MTOR: variants seen among roughly 807,000 people sequenced by gnomAD.
The protein encoded by MTOR is serine/threonine-protein kinase mTOR.
A neutral mutation model predicts 319.8 loss-of-function variants in MTOR; 70 were observed. That is an observed-to-expected ratio of 0.22 (90% CI 0.18 to 0.27). The LOEUF (loss-of-function observed/expected upper bound fraction) is 0.27, where lower values mean the gene tolerates loss of function less well. Among genes scored for constraint, MTOR ranks in the 10% least tolerant of loss-of-function variants. MTOR has a pLI of 1.00. For synonymous variants in MTOR, 1,183 were observed against 1,211.4 expected (o/e 0.98, Z 0.49); for missense variants, 1,890 against 3,274.4 (o/e 0.58, Z 10.32).
chr1:11,231,443 G>C lies in MTOR; in HGVS notation c.2515-9C>G, dbSNP rs1255781138. The C allele has an allele frequency of 6.2e-7, 1 of 1,613,538 alleles. No homozygotes were observed. Among genetic ancestry groups the C allele is most frequent in the Non-Finnish European group, 8.5e-7 (1 of 1,179,766 alleles). ...AGGGTCCACAGAGCCACCTGGATAG[G>C]CACAAGAACACGATTCAATGAGCCA... On this transcript the variant is annotated splice_polypyrimidine_tract_variant and intron_variant, in intron 16 of 57. Transcript: ENST00000361445.
Position 11,229,112 on chromosome 1 carries a change from G to A in MTOR, c.2780-194C>T, listed in dbSNP as rs537157074. ...AGCCTCTCACCATCAAGGAGTAAAC[G>A]GTTTTTGGCTTTTCTATTACTCAAA... is the stretch of plus-strand genomic sequence containing the variant. On this transcript the variant is annotated intron_variant, in intron 18 of 57. Coordinates refer to ENST00000361445, the MANE Select transcript of MTOR (RefSeq NM_004958.4). Among the ~76,000 whole-genome samples the A allele has an allele frequency of 2.6e-4, 40 of 152,148 alleles. 1 individual carries two copies. In the South Asian group the frequency reaches 7.9e-3, roughly 30 times the overall value.
At chr1:11,176,353 C>G (rs10864490) in intron 28 of MTOR, among the ~76,000 whole-genome samples, 2 of 151,968 alleles carry the variant, frequency 1.3e-5, no homozygotes, top group Non-Finnish European at 2.9e-5. Context: ...GTGATGCAAG[C>G]CTCTTCCACA....
intron 36 of MTOR, among the ~76,000 whole-genome samples, chr1:11,135,127 A>G (rs1355901641): frequency 6.6e-6 from 1 of 152,184 alleles, no homozygotes; most frequent in Admixed American, 6.5e-5. Context: ...GTGAGTCAGG[A>G]ACAGACAGCT....
intron 54 of MTOR, among the ~76,000 whole-genome samples, chr1:11,110,918 G>A (rs1308747346): frequency 6.6e-6 from 1 of 152,114 alleles, no homozygotes; most frequent in Non-Finnish European, 1.5e-5. Context: ...CCTTCTGTAT[G>A]CTACAGACAG....
At chr1:11,191,826 A>G (rs764507749) in intron 28 of MTOR, among the ~76,000 whole-genome samples, 1 of 152,212 alleles carries the variant, frequency 6.6e-6, no homozygotes, top group African/African-American at 2.4e-5. Context: ...AACAACAAAA[A>G]CAACCAACCA....
At chr1:11,138,001 A>G (rs1275729595) in intron 36 of MTOR, among the ~76,000 whole-genome samples, 2 of 152,220 alleles carry the variant, frequency 1.3e-5, no homozygotes, top group African/African-American at 4.8e-5. Context: ...TTGAAGTCCC[A>G]GCACTTTAAA....
At chr1:11,231,987 G>T (rs1647033330) in intron 16 of MTOR, among the ~76,000 whole-genome samples, 1 of 152,148 alleles carries the variant, frequency 6.6e-6, no homozygotes, top group African/African-American at 2.4e-5. Flanking sequence ...CAAAGTGCTA[G>T]GATTACAAGT....
chr1:11,235,573 AAG>A (rs1387216173), intron 13 of MTOR, among the ~76,000 whole-genome samples: 1 of 152,228 alleles, frequency 6.6e-6, no homozygotes, highest in African/African-American at 2.4e-5. Context: ...AAAAACAAAA[AAG>A]AGTAATTTTA....
chr1:11,229,526 G>T (rs1440509844), intron 18 of MTOR, among the ~76,000 whole-genome samples: 3 of 152,208 alleles, frequency 2.0e-5, no homozygotes, highest in Non-Finnish European at 4.4e-5. Flanking sequence ...GAGCAGCATG[G>T]CTCAGGCCCT....
intron 8 of MTOR, 106 bp downstream of exon 8, chr1:11,247,519 G>A (rs973822620): frequency 1.1e-6 from 1 of 930,226 alleles, no homozygotes; most frequent in Non-Finnish European, 1.7e-6. Context: ...AGAAATCAGA[G>A]ATTTGTTGGC....
At chr1:11,223,651 A>G (rs182998653) in intron 19 of MTOR, among the ~76,000 whole-genome samples, 1 of 152,304 alleles carries the variant, frequency 6.6e-6, no homozygotes, top group Non-Finnish European at 1.5e-5. Context: ...ATGAAATAAA[A>G]AATAAAGGCT....
chr1:11,161,520 T>A (rs1226728348), intron 29 of MTOR, among the ~76,000 whole-genome samples: 1 of 152,162 alleles, frequency 6.6e-6, no homozygotes, highest in African/African-American at 2.4e-5. Context: ...GTAGCCTAAC[T>A]GGGAGGCACC....
rs76348058 is a variant in MTOR at position 11,134,060 on chromosome 1, TA to T, written c.5246+290del. Among the ~76,000 whole-genome samples the T allele has an allele frequency of 0.059, 8,357 of 142,668 alleles. 582 individuals carry two copies. The highest frequency in any genetic ancestry group is 0.16 in the African/African-American group (6,358 of 39,482). The allele number at this position is 142,668 out of a possible 152,430, so 93.6% of individuals were successfully genotyped here. On this transcript the variant is annotated intron_variant, in intron 37 of 57. Transcript: ENST00000361445. Reference sequence around the variant, plus strand: ...CCTGGGTGACACAGCAAGACCATCTTAAAAAAAAAAAAGGGAGGGGCAGCAT... The same window carrying T: ...CCTGGGTGACACAGCAAGACCATCTTAAAAAAAAAAAGGGAGGGGCAGCAT...
intron 28 of MTOR, among the ~76,000 whole-genome samples, chr1:11,192,923 T>C (rs1014577183): frequency 6.6e-6 from 1 of 152,168 alleles, no homozygotes; most frequent in African/African-American, 2.4e-5. Flanking sequence ...ATCATTCTTA[T>C]AACCACCACA....
chr1:11,231,207 T>G, intron 17 of MTOR, 93 bp downstream of exon 17: 1 of 1,583,398 alleles, frequency 6.3e-7, no homozygotes, highest in Non-Finnish European at 8.6e-7. Flanking sequence ...GAAGTCTGAC[T>G]GACACTGTCA....
chr1:11,108,539 C>A (rs747690659), intron 56 of MTOR, among the ~76,000 whole-genome samples: 13 of 151,740 alleles, frequency 8.6e-5, no homozygotes, highest in Non-Finnish European at 1.5e-4. Flanking sequence ...CATGGTGAAA[C>A]CCTGTCTTTA....
At chr1:11,256,872 G>A (rs538678947) in intron 4 of MTOR, 61 bp downstream of exon 4, 3 of 1,503,904 alleles carry the variant, frequency 2.0e-6, no homozygotes, top group South Asian at 1.2e-5. Context: ...GGAAGCAAAA[G>A]ACCCCCCCAT....
chr1:11,200,741 C>A (rs1390015608), intron 26 of MTOR, among the ~76,000 whole-genome samples: 1 of 152,056 alleles, frequency 6.6e-6, no homozygotes, highest in Admixed American at 6.5e-5. Flanking sequence ...TAAGGCCAGG[C>A]GTGGTGGCTC....
Position 11,127,579 on chromosome 1 carries a change from A to G in MTOR, c.6216+45T>C. 6.5e-7 allele frequency: 1 copy of G among 1,534,422 alleles called. No individual in the cohort carries two copies. The highest frequency in any genetic ancestry group is 8.8e-7 in the Non-Finnish European group (1 of 1,141,976). On this transcript the variant is annotated intron_variant, in intron 44 of 57. Transcript: ENST00000361445. This position sits in a 1 kb window ranked among gnomAD's most constrained non-coding sequence, Gnocchi z 5.5. ...TCATTTCATTTTTTTTTAGTGGCAG[A>G]ATATTTCTACAGGGTTATGTCCTTT...
Sources: allele counts gnomAD v4.1 joint callset (sites outside exome capture counted in the v4.1 genomes callset), GRCh38; gene constraint gnomAD v4.1.1; non-coding constraint Gnocchi (gnomAD v3.1); transcripts MANE v1.5; gene names NCBI Gene and HGNC (gene_info 2026-07-23, HGNC 2026-07-21).